LINGO1: variants seen among roughly 807,000 people sequenced by gnomAD.
The protein encoded by LINGO1 is leucine-rich repeat and immunoglobulin-like domain-containing nogo receptor-interacting protein 1.
Under a neutral mutation model 37.3 loss-of-function variants are expected in LINGO1, and 11 were observed. That is an observed-to-expected ratio of 0.29 (90% CI 0.19 to 0.49). The LOEUF is 0.49. Ranked by LOEUF, LINGO1 falls within the 20% of genes least tolerant of loss-of-function variation. The pLI is 0.99. For synonymous variants in LINGO1, 387 were observed against 403.0 expected, an observed-to-expected ratio of 0.96 and a Z score of 0.48; for missense variants, 585 against 878.2, an observed-to-expected ratio of 0.67 and a Z score of 4.22.
intron 1 of LINGO1, among the ~76,000 whole-genome samples, chr15:77,816,098 C>T (rs1236183351): frequency 6.6e-6 from 1 of 152,340 alleles, no homozygotes; most frequent in East Asian, 1.9e-4. Context: ...CAAGGCCCCG[C>T]CAGTCCCCTC....
chr15:77,616,166 A>G (rs1263751037), intron 1 of LINGO1, among the ~76,000 whole-genome samples: 1 of 152,114 alleles, frequency 6.6e-6, no homozygotes, highest in Non-Finnish European at 1.5e-5. Flanking sequence ...GGGTCACCTC[A>G]GACAGCCTGG....
intron 1 of LINGO1, among the ~76,000 whole-genome samples, chr15:77,763,359 G>C (rs1423235327): frequency 6.6e-6 from 1 of 152,072 alleles, no homozygotes; most frequent in Non-Finnish European, 1.5e-5. Context: ...GTTGGGGATG[G>C]GGATGGCCCC....
intron 1 of LINGO1, among the ~76,000 whole-genome samples, chr15:77,801,193 T>C (rs1421658530): frequency 6.6e-6 from 1 of 152,246 alleles, no homozygotes; most frequent in Non-Finnish European, 1.5e-5. Flanking sequence ...AGCACAAGCA[T>C]TCATGTATAC....
At chr15:77,783,451 C>T (rs1223040259) in intron 1 of LINGO1, among the ~76,000 whole-genome samples, 1 of 152,156 alleles carries the variant, frequency 6.6e-6, no homozygotes, top group Non-Finnish European at 1.5e-5. Flanking sequence ...GGTAGGGCCT[C>T]AGCACCTCTT....
chr15:77,813,764 T>C (rs1219572736), intron 1 of LINGO1, among the ~76,000 whole-genome samples: 1 of 152,182 alleles, frequency 6.6e-6, no homozygotes, highest in Admixed American at 6.5e-5. Context: ...AAAATAGCCT[T>C]GTAAGGCAGG....
rs1412475882 is a variant in LINGO1, at chr15:77,692,961, A to G, written c.-280-2060T>C. 3.3e-5 allele frequency among the ~76,000 whole-genome samples: 5 copies of G among 152,204 alleles called. No homozygotes were observed. In the East Asian group the frequency reaches 9.6e-4, roughly 29 times the overall value. ...CGAAACGCCTGTGTGTGTGCTTATG[A>G]GTGTGCATGAACATGGCCCACAGGG... On this transcript the variant is annotated intron_variant, in intron 1 of 3. Transcript: ENST00000559893.
At chr15:77,715,261 G>A (rs2075970288) in intron 2 of LINGO1, among the ~76,000 whole-genome samples, 1 of 152,232 alleles carries the variant, frequency 6.6e-6, no homozygotes, top group Non-Finnish European at 1.5e-5. Flanking sequence ...CGTGGGCCCA[G>A]CAGGCAGCCT....
chr15:77,748,816 T>C (rs1000329797), intron 1 of LINGO1, among the ~76,000 whole-genome samples: 5 of 151,954 alleles, frequency 3.3e-5, no homozygotes, highest in Non-Finnish European at 7.4e-5. Flanking sequence ...CTTGAAGTGC[T>C]GGGATTATAG....
chr15:77,698,090 G>A (rs1163457435), upstream of LINGO1, among the ~76,000 whole-genome samples: 2 of 152,176 alleles, frequency 1.3e-5, no homozygotes, highest in Admixed American at 1.3e-4. Flanking sequence ...AAGTGAGTTA[G>A]GAATGAGGCA....
At chr15:77,769,095 G>A (rs1230242722) in intron 1 of LINGO1, among the ~76,000 whole-genome samples, 1 of 152,196 alleles carries the variant, frequency 6.6e-6, no homozygotes, top group Non-Finnish European at 1.5e-5. Flanking sequence ...TGGCCTCCCT[G>A]CTCCAGACCC....
intron 3 of LINGO1, among the ~76,000 whole-genome samples, chr15:77,664,802 G>A (rs1286277990): frequency 5.3e-5 from 8 of 152,206 alleles, no homozygotes; most frequent in African/African-American, 7.2e-5. Context: ...AGCAAGTTCC[G>A]GAGCATCTGA....
chr15:77,789,334 G>A (rs140097371), upstream of LINGO1, among the ~76,000 whole-genome samples: 14 of 152,266 alleles, frequency 9.2e-5, no homozygotes, highest in East Asian at 2.7e-3. Flanking sequence ...TTGGAGATAC[G>A]GTCTAAATTG....
chr15:77,713,981 C>T (rs533189130), intron 2 of LINGO1, among the ~76,000 whole-genome samples: 4 of 152,272 alleles, frequency 2.6e-5, no homozygotes, highest in African/African-American at 9.6e-5. Flanking sequence ...TTGGCTTTGC[C>T]CAGGTCTTTA....
chr15:77,754,880 G>A (rs1182053605), intron 1 of LINGO1, among the ~76,000 whole-genome samples: 2 of 152,242 alleles, frequency 1.3e-5, no homozygotes, highest in African/African-American at 4.8e-5. Context: ...AGGCTTCCAC[G>A]AAACTCAATG....
At chr15:77,662,852 A>T (rs898583904) in intron 3 of LINGO1, among the ~76,000 whole-genome samples, 5 of 152,122 alleles carry the variant, frequency 3.3e-5, no homozygotes, top group Admixed American at 3.3e-4. Context: ...GATGACAGCA[A>T]TATTTCAGTA....
At chr15:77,731,952 G>A (rs538954746) in intron 2 of LINGO1, among the ~76,000 whole-genome samples, 1 of 152,260 alleles carries the variant, frequency 6.6e-6, no homozygotes, top group African/African-American at 2.4e-5. Context: ...ACAGGAACCC[G>A]AATGTCACTC....
rs144113326 is a variant in LINGO1, at chr15:77,735,043, C to T, written c.-246G>A. ...TCCGGGCTCAAGATCAGGGCCTCCT[C>T]GGTGGGACACCTGCAAAGAGACAGC... On this transcript the variant is annotated 5_prime_UTR_variant, in exon 2 of 4. Transcript: ENST00000561686. The T allele has an allele frequency of 9.4e-3, 1,432 of 152,548 alleles. 22 individuals carry two copies. The highest frequency in any genetic ancestry group is 0.061 in the East Asian group (313 of 5,158). The allele number at this position is 152,548 out of a possible 1,614,324, so 9.4% of individuals were successfully genotyped here.
chr15:77,636,724 C>A (rs1356162381), upstream of LINGO1, among the ~76,000 whole-genome samples: 1 of 152,066 alleles, frequency 6.6e-6, no homozygotes, highest in Non-Finnish European at 1.5e-5. Flanking sequence ...CCTTGGACGA[C>A]CCTGATCCCC....
intron 3 of LINGO1, among the ~76,000 whole-genome samples, chr15:77,662,929 G>C (rs1045896920): frequency 3.3e-5 from 5 of 152,158 alleles, no homozygotes; most frequent in African/African-American, 1.2e-4. Flanking sequence ...GGAGGCTCTG[G>C]GACAAGCAAG....
Sources: allele counts gnomAD v4.1 joint callset (sites outside exome capture counted in the v4.1 genomes callset), GRCh38; gene constraint gnomAD v4.1.1; transcripts MANE v1.5; gene names NCBI Gene and HGNC (gene_info 2026-07-23, HGNC 2026-07-21).